WDR90: variants seen among roughly 807,000 people sequenced by gnomAD.
WDR90 encodes WD repeat-containing protein 90.
A neutral mutation model predicts 195.2 loss-of-function variants in WDR90; 238 were observed. The ratio of observed to expected loss-of-function variants is 1.22; its 90% confidence interval spans 1.10 to 1.36. The LOEUF (loss-of-function observed/expected upper bound fraction) is 1.36. Among genes scored for constraint, WDR90 ranks in the 40% most tolerant of loss-of-function variants. WDR90 has a pLI of 0.00. For synonymous variants in WDR90, 1,265 were observed against 1,052.4 expected, an observed-to-expected ratio of 1.20 and a Z score of -3.91; for missense variants, 2,734 against 2,439.5, an observed-to-expected ratio of 1.12 and a Z score of -2.54.
chr16:652,385 G>T, intron 9 of WDR90, 82 bp from the exon 10 acceptor site: 1 of 1,480,300 alleles, frequency 6.8e-7, no homozygotes, highest in Non-Finnish European at 9.2e-7. Context: ...CCCAGCTAGG[G>T]GTTGGCGGGG....
In WDR90 at chr16:650,030, TCA is replaced by T; in HGVS notation, c.143_144del (p.Ser48CysfsTer11). 6.2e-7 allele frequency: 1 copy of T among 1,612,822 alleles called. No homozygotes were observed. The highest frequency in any genetic ancestry group is 8.5e-7 in the Non-Finnish European group (1 of 1,179,980). On this transcript the variant is annotated frameshift_variant, in exon 3 of 41. Coordinates refer to ENST00000293879, the MANE Select transcript of WDR90 (RefSeq NM_145294.5). LOFTEE classifies it high-confidence loss of function. ...GGGCGCCGTGTATCGCATTCGGGGCTCAGTCTCTGCCGCCAACTACATCCAGC... is the reference window on the plus strand; with the variant it reads ...GGGCGCCGTGTATCGCATTCGGGGCTGTCTCTGCCGCCAACTACATCCAGC... Reference protein sequence around the residue: ...LKGAVYRIRGSVSAANYIQLP... With the variant: ...LKGAVYRIRGXVSAANYIQLP...
At chr16:660,747 C>T in intron 28 of WDR90, 33 bp downstream of exon 28, 1 of 1,528,490 alleles carries the variant, frequency 6.5e-7, no homozygotes, top group Non-Finnish European at 8.9e-7. Context: ...CACCCCCAGC[C>T]AAGATGCGGC....
chr16:658,685 G>A (rs767146659), intron 23 of WDR90, 32 bp downstream of exon 23: 15 of 1,595,528 alleles, frequency 9.4e-6, no homozygotes, highest in Admixed American at 1.7e-5. Flanking sequence ...TGGCTTTGGC[G>A]GTCAGGAGCC....
At position 658,948 on chromosome 16, in the gene WDR90, A is replaced by G; in HGVS notation, c.2948A>G (p.Gln983Arg). ...CAGGCTGTGGCCTTCTCTCCTGACC[A>G]GCAGCAGGTCCTCAGCGCAGGGGAC... Reference protein sequence around the residue: ...PVQAVAFSPDQQQVLSAGDAV... With the variant: ...PVQAVAFSPDRQQVLSAGDAV... The change falls in exon 24 of 41, where the codon CAG becomes CGG. Residue 983 changes from glutamine to arginine, a missense_variant. Gln to Arg is a conservative substitution (Grantham distance 43). Coordinates refer to ENST00000293879, the MANE Select transcript of WDR90 (RefSeq NM_145294.5). 2 of 1,612,878 alleles carry G rather than the reference A, an allele frequency of 1.2e-6. No individual in the cohort carries two copies. The highest frequency in any genetic ancestry group is 2.2e-5 in the South Asian group (2 of 91,090).
rs199551079 is a variant in WDR90 at position 655,644 on chromosome 16, G to A, written c.1790G>A (p.Arg597His). ...CGCATGGTCGTGCGGCATGCCCGCC[G>A]CCTGCTCCCCACACGGACTCCAGGC... ...CQRMVVRHAR[R>H]LLPTRTPGGP... is the part of the protein sequence containing the mutation. Residue 597 changes from arginine to histidine, a missense_variant, in exon 16 of 41, where the codon CGC (arginine) becomes CAC (histidine). Arg to His is a conservative substitution (Grantham distance 29). Coordinates refer to ENST00000293879, the MANE Select transcript of WDR90 (RefSeq NM_145294.5). 2.2e-5 allele frequency: 35 copies of A among 1,606,626 alleles called. No individual in the cohort carries two copies. Among genetic ancestry groups the A allele is most frequent in the African/African-American group, 2.0e-4 (15 of 74,826 alleles).
rs749587297 is a variant in WDR90, at chr16:666,049, G to A, written c.4534G>A (p.Val1512Ile). 1.0e-5 allele frequency: 16 copies of A among 1,606,506 alleles called. No individual in the cohort carries two copies. The highest frequency in any genetic ancestry group is 3.3e-5 in the South Asian group (3 of 91,078). Residue 1512 changes from valine (V) to isoleucine (I), a missense_variant, in exon 36 of 41, where the codon GTC (valine) becomes ATC (isoleucine). Transcript: ENST00000293879. ...TGACGGCTCCCTGCGCATCTTCAGCGTCTCCCGCACGGCCATGGAGCTCAA... is the reference window on the plus strand; with the variant it reads ...TGACGGCTCCCTGCGCATCTTCAGCATCTCCCGCACGGCCATGGAGCTCAA... The part of the protein sequence containing the change: ...YGDGSLRIFS[V>I]SRTAMELKMH...
intron 1 of WDR90, 62 bp from the exon 2 acceptor site, chr16:649,700 GC>G: frequency 6.7e-7 from 1 of 1,487,516 alleles, no homozygotes; most frequent in Non-Finnish European, 9.0e-7. Flanking sequence ...GCCCGGCCCA[GC>G]CCCGCAGTGG....
At chr16:656,696 C>T in intron 18 of WDR90, 36 bp from the exon 19 acceptor site, 2 of 1,594,532 alleles carry the variant, frequency 1.3e-6, no homozygotes, top group Non-Finnish European at 8.6e-7. Flanking sequence ...CCCTTGAGAT[C>T]CCTGCCCTCC....
intron 27 of WDR90, 139 bp from the exon 28 acceptor site, chr16:660,473 T>C (rs3752495): frequency 0.46 from 393,940 of 857,320 alleles, 103,938 homozygotes; most frequent in East Asian, 0.97. Flanking sequence ...CCACACCTCC[T>C]ACCCCAGCTT....
At chr16:657,999 C>A in intron 21 of WDR90, 107 bp downstream of exon 21, 2 of 1,457,324 alleles carry the variant, frequency 1.4e-6, no homozygotes, top group Admixed American at 2.6e-5. Context: ...AGGCCCTGTC[C>A]CGCCTCCTGT....
chr16:656,441 G>T lies in WDR90; in HGVS notation c.2106G>T (p.Pro702=). 6.2e-7 allele frequency: 1 copy of T among 1,601,666 alleles called. No individual in the cohort carries two copies. Among genetic ancestry groups the T allele is most frequent in the Non-Finnish European group, 8.5e-7 (1 of 1,176,986 alleles). Residue 702 remains proline, a synonymous_variant, in exon 18 of 41, where the codon CCG becomes CCT. Transcript: ENST00000293879. Reference sequence around the variant, plus strand: ...TGCTGGCTCGCTCCCACACCGCCCCGGTGTTGGCCCTCGCCATGGAGCAGA... The same window carrying T: ...TGCTGGCTCGCTCCCACACCGCCCCTGTGTTGGCCCTCGCCATGGAGCAGA... ...YHMLARSHTA[P]VLALAMEQRR...
chr16:667,103 G>A, intron 40 of WDR90, 114 bp downstream of exon 40: 1 of 1,142,084 alleles, frequency 8.8e-7, no homozygotes, highest in Non-Finnish European at 1.3e-6. Context: ...TCGTCTCTGG[G>A]GTGGGGTGAG....
Position 664,152 on chromosome 16 carries a change from TTTTGGCATA to T in WDR90, c.4311+1311_4311+1319del, listed in dbSNP as rs1307055579. Among the ~76,000 whole-genome samples, 105 of 130,844 alleles carry T rather than the reference TTTTGGCATA, an allele frequency of 8.0e-4. 1 individual carries two copies. The highest frequency in any genetic ancestry group is 3.5e-3 in the African/African-American group (102 of 29,352). 85.8% of individuals were successfully genotyped at this position (130,844 alleles called of 152,430 possible). ...AGCTCCGTGTGTTTCAGGGGGTGGC[TTTTGGCATA>T]TTCAGCAGCTTTGGAAACCCCGTGC... On this transcript the variant is annotated intron_variant, in intron 34 of 40. Transcript: ENST00000293879.
intron 34 of WDR90, among the ~76,000 whole-genome samples, chr16:664,088 C>T (rs1031308627): frequency 2.0e-5 from 3 of 152,192 alleles, no homozygotes; most frequent in Non-Finnish European, 4.4e-5. Flanking sequence ...GTTTACTTTT[C>T]TGGAAGCAGG....
intron 17 of WDR90, 154 bp downstream of exon 17, chr16:656,043 G>A (rs1355998531): frequency 3.1e-6 from 3 of 978,248 alleles, no homozygotes; most frequent in African/African-American, 1.7e-5. Context: ...GAGCCCTGGG[G>A]CGGCTGATGC....
Position 649,835 on chromosome 16 carries a change from G to A in WDR90, c.83G>A (p.Gly28Glu). 1 of 1,582,862 alleles carries A rather than the reference G, an allele frequency of 6.3e-7. No homozygotes were observed. The highest frequency in any genetic ancestry group is 2.3e-5 in the East Asian group (1 of 43,290). ...GAGTGGAAGCGCTCCGCCAAGCAGG[G>A]GGACGTGGCCGTGGTCACGGTAGGC... ...VDEWKRSAKQ[G>E]DVAVVTDKTL... is the part of the protein sequence containing the mutation. The change falls in exon 2 of 41, where the codon GGG (glycine) becomes GAG (glutamate). Residue 28 changes from glycine (G) to glutamate (E), a missense_variant. By Grantham distance (98) the Gly-to-Glu change is moderately conservative. Transcript: ENST00000293879.
rs191139194 is a variant in WDR90 at position 662,726 on chromosome 16, G to A, written c.4193G>A (p.Ser1398Asn). 55 of 1,592,096 alleles carry A rather than the reference G, an allele frequency of 3.5e-5. No individual in the cohort carries two copies. In the East Asian group the frequency reaches 6.7e-4, roughly 20 times the overall value. The change falls in exon 34 of 41, where the codon AGT becomes AAT. Residue 1398 changes from serine (S) to asparagine (N), a missense_variant. Transcript: ENST00000293879. ...CTGGTGCTGGACGGGGCTGTGGTGA[G>A]TGCCAGCTTCGATGACAGCGTGGAC... is the stretch of plus-strand genomic sequence containing the variant. ...HELVLDGAVV[S>N]ASFDDSVDMG...
At chr16:664,121 A>G (rs2037972927) in intron 34 of WDR90, among the ~76,000 whole-genome samples, 1 of 152,144 alleles carries the variant, frequency 6.6e-6, no homozygotes. Context: ...TAGTCGTCAC[A>G]GCACAAGCTC....
rs1361161033 is a variant in WDR90, at chr16:665,999, A to C, written c.4484A>C (p.Gln1495Pro). 1 of 1,603,790 alleles carries C rather than the reference A, an allele frequency of 6.2e-7. No homozygotes were observed. Among genetic ancestry groups the C allele is most frequent in the South Asian group, 1.1e-5 (1 of 91,026 alleles). Residue 1495 changes from glutamine to proline, a missense_variant, in exon 36 of 41, where the codon CAG (glutamine) becomes CCG (proline). Physicochemically the swap from Gln to Pro is moderately conservative, Grantham distance 76. Transcript: ENST00000293879. ...CCCCCGTGCTGTGGCCGCCCTGAGC[A>C]GCAGCGGCTAGCGGCTGGCTACGGT... ...WSPPCCGRPE[Q>P]QRLAAGYGDG...
Sources: allele counts gnomAD v4.1 joint callset (sites outside exome capture counted in the v4.1 genomes callset), GRCh38; gene constraint gnomAD v4.1.1; transcripts MANE v1.5; gene names NCBI Gene and HGNC (gene_info 2026-07-23, HGNC 2026-07-21).